The following CEP95 variants were observed in gnomAD, a reference collection of about 807,000 sequenced individuals.
CEP95 encodes centrosomal protein 95, also known as centrosomal protein of 95 kDa.
Under a neutral mutation model 111.2 loss-of-function variants are expected in CEP95, and 98 were observed. The ratio of observed to expected loss-of-function variants is 0.88; its 90% CI spans 0.75 to 1.04. The LOEUF (loss-of-function observed/expected upper bound fraction) is 1.04, where lower values mean the gene tolerates loss of function less well. Ranked by LOEUF, CEP95 falls within the 50% of genes least tolerant of loss-of-function variation. CEP95 has a pLI of 0.00. For missense variants in CEP95, 1,027 were observed against 977.2 expected (o/e 1.05, Z -0.68); for synonymous variants, 323 against 327.1 (o/e 0.99, Z 0.14).
chr17:64,508,061 G>C (rs1027900371), intron 1 of CEP95: 1 of 985,232 alleles, frequency 1.0e-6, no homozygotes, highest in African/African-American at 1.7e-5. Context: ...CATTACCGTT[G>C]ATGTTGTTAT....
Position 64,530,735 on chromosome 17 carries a change from T to A in CEP95, c.1447-191T>A, listed in dbSNP as rs970751517. 2.6e-5 allele frequency among the ~76,000 whole-genome samples: 4 copies of A among 152,182 alleles called. No individual in the cohort carries two copies. The East Asian group carries it at 7.7e-4, about 29-fold the overall frequency. On this transcript the variant is annotated intron_variant, in intron 12 of 19. Transcript: ENST00000556440. ...GTTGGTCAGGCTGGTCTTGAACTCC[T>A]GACCTCAGGTGATCCACCTGTCTCA...
chr17:64,506,985 C>A lies in CEP95; in HGVS notation c.-113C>A. The A allele has an allele frequency of 8.2e-7, 1 of 1,220,818 alleles. No individual in the cohort carries two copies. Among genetic ancestry groups the A allele is most frequent in the Non-Finnish European group, 1.2e-6 (1 of 846,476 alleles). 75.6% of individuals were successfully genotyped at this position (1,220,818 alleles called of 1,614,324 possible). On this transcript the variant is annotated 5_prime_UTR_variant, in exon 1 of 20. Transcript: ENST00000556440. ...TCCTTCTTTCACGCCTCCTTCCCCGCGCTTTGGTTCGTGCGTCCGCGCCCC... is the reference window on the plus strand; with the variant it reads ...TCCTTCTTTCACGCCTCCTTCCCCGAGCTTTGGTTCGTGCGTCCGCGCCCC...
Position 64,510,298 on chromosome 17 carries a change from T to A in CEP95, c.256+18T>A. ...CATAACAGGTTGGTATATGTATAAC[T>A]ATCACATAATTATGCATTTTAGTAA... On this transcript the variant is annotated intron_variant, in intron 3 of 19. Coordinates refer to ENST00000556440, the MANE Select transcript of CEP95 (RefSeq NM_138363.3). The A allele has an allele frequency of 7.4e-7, 1 of 1,358,696 alleles. No homozygotes were observed. 84.2% of individuals were successfully genotyped at this position (1,358,696 alleles called of 1,614,324 possible). A position where few individuals can be genotyped will look rare whatever the true frequency, so the allele number is the denominator to read the frequency against.
chr17:64,528,095 C>T (rs1968001070), intron 11 of CEP95, among the ~76,000 whole-genome samples: 1 of 152,042 alleles, frequency 6.6e-6, no homozygotes, highest in Non-Finnish European at 1.5e-5. Context: ...AAAGTGATTG[C>T]ACTGCTTTAT....
At chr17:64,516,689 GT>G in intron 4 of CEP95, 33 bp from the exon 5 acceptor site, 6 of 1,350,908 alleles carry the variant, frequency 4.4e-6, no homozygotes, top group East Asian at 4.7e-5. Flanking sequence ...TCACTTAGGG[GT>G]TTTTTGGTAT....
At chr17:64,509,412 C>T (rs1357282856) in intron 2 of CEP95, among the ~76,000 whole-genome samples, 1 of 152,220 alleles carries the variant, frequency 6.6e-6, no homozygotes, top group Non-Finnish European at 1.5e-5. Context: ...CGCGGTGGCT[C>T]ACACCTCTAA....
chr17:64,535,958 G>A (rs1299750249), intron 17 of CEP95: 3 of 152,144 alleles, frequency 2.0e-5, no homozygotes, highest in African/African-American at 4.8e-5. Flanking sequence ...AACCAAATAC[G>A]AAAGGCCACG....
At chr17:64,517,311 T>A (rs1555676598) in intron 5 of CEP95, among the ~76,000 whole-genome samples, 4 of 152,250 alleles carry the variant, frequency 2.6e-5, no homozygotes, top group Admixed American at 6.5e-5. Flanking sequence ...CCTCCCAAAG[T>A]GCTGGGATTA....
At chr17:64,514,564 T>C (rs1333260680) in intron 4 of CEP95, 6 of 424,584 alleles carry the variant, frequency 1.4e-5, no homozygotes, top group African/African-American at 1.2e-4. Flanking sequence ...TCAACTTGGA[T>C]GTTGCTCATA....
At chr17:64,531,517 G>C (rs1199188479) in intron 13 of CEP95, among the ~76,000 whole-genome samples, 1 of 152,176 alleles carries the variant, frequency 6.6e-6, no homozygotes, top group Non-Finnish European at 1.5e-5. Flanking sequence ...TTACAACTAA[G>C]CATACTGCAT....
intron 14 of CEP95, 34 bp downstream of exon 14, chr17:64,532,056 T>C (rs782625102): frequency 1.3e-6 from 2 of 1,512,696 alleles, no homozygotes; most frequent in South Asian, 1.4e-5. Context: ...TATGGAAAAC[T>C]GGCAACCTTT....
intron 8 of CEP95, among the ~76,000 whole-genome samples, chr17:64,525,158 T>C (rs1199502903): frequency 1.3e-5 from 2 of 151,668 alleles, no homozygotes; most frequent in African/African-American, 4.8e-5. Context: ...CTGGCCAACA[T>C]GCGAAACACC....
chr17:64,516,855 T>C lies in CEP95; in HGVS notation c.473+27T>C, dbSNP rs782396433. ...TAGCACTTAGTGTCTCTGAATTTGA[T>C]GAAAACAAGTTACGCTTTTTGGACT... On this transcript the variant is annotated intron_variant, in intron 5 of 19. Transcript: ENST00000556440. 3.8e-6 allele frequency: 5 copies of C among 1,327,032 alleles called. No homozygotes were observed. The South Asian group carries it at 6.1e-5, about 16-fold the overall frequency. 82.2% of individuals were successfully genotyped at this position (1,327,032 alleles called of 1,614,324 possible).
At chr17:64,513,135 C>T (rs2038977301) in intron 3 of CEP95, among the ~76,000 whole-genome samples, 1 of 152,148 alleles carries the variant, frequency 6.6e-6, no homozygotes, top group South Asian at 2.1e-4. Context: ...ACCAAGATTT[C>T]TGGTTCATTG....
Position 64,529,316 on chromosome 17 carries a change from C to CAGAT in CEP95, c.1336_1339dup (p.Ser447Ter). On this transcript the variant is annotated frameshift_variant, in exon 12 of 20. Coordinates refer to ENST00000556440, the MANE Select transcript of CEP95 (RefSeq NM_138363.3). LOFTEE classifies it high-confidence loss of function. ...TTTCCATGCGTAGAAAGCCACCCTA[C>CAGAT]AGATCCCATTCGCTCTCTCCATCTC... is the stretch of plus-strand genomic sequence containing the variant. 1 of 1,613,746 alleles carries CAGAT rather than the reference C, an allele frequency of 6.2e-7. No individual in the cohort carries two copies. The highest frequency in any genetic ancestry group is 8.5e-7 in the Non-Finnish European group (1 of 1,179,762).
upstream of CEP95, chr17:64,506,791 G>A (rs1469257335): frequency 3.7e-6 from 2 of 543,536 alleles, no homozygotes; most frequent in Non-Finnish European, 6.6e-6. Context: ...ACCCGCCCGG[G>A]CTGCCGGCTG....
chr17:64,508,740 G>A lies in CEP95; in HGVS notation c.148+20G>A, dbSNP rs1555673846. The A allele has an allele frequency of 7.5e-7, 1 of 1,333,970 alleles. No homozygotes were observed. The highest frequency in any genetic ancestry group is 2.8e-5 in the East Asian group (1 of 35,274). 82.6% of individuals were successfully genotyped at this position (1,333,970 alleles called of 1,614,324 possible). A position where few individuals can be genotyped will look rare whatever the true frequency, so the allele number is the denominator to read the frequency against. On this transcript the variant is annotated intron_variant, in intron 2 of 19. Transcript: ENST00000556440. The stretch of plus-strand genomic sequence containing the variant: ...TACCAGGTAAGAATACTAAAAGCAG[G>A]AGTAATTTTGCCTATATCTTAGGCC...
chr17:64,511,914 C>T (rs2144350496), intron 3 of CEP95, among the ~76,000 whole-genome samples: 1 of 152,294 alleles, frequency 6.6e-6, no homozygotes, highest in Middle Eastern at 3.4e-3. Flanking sequence ...GTTTGGGGTC[C>T]CTGACTTCTC....
At chr17:64,523,340 G>GT (rs1967522340) in intron 8 of CEP95, among the ~76,000 whole-genome samples, 1 of 152,122 alleles carries the variant, frequency 6.6e-6, no homozygotes, top group African/African-American at 2.4e-5. Flanking sequence ...CAATTACAGA[G>GT]TCAGGATTTG....
Sources: gnomAD v4.1 joint callset for allele counts (sites outside exome capture counted in the v4.1 genomes callset) on GRCh38, gnomAD v4.1.1 for gene constraint, MANE v1.5 for transcripts, NCBI Gene and HGNC (gene_info 2026-07-23, HGNC 2026-07-21) for gene names.